Variants in SLC25A48 observed in about 807,000 individuals in gnomAD.
SLC25A48 encodes the protein CTC-321K16.1.
Under a neutral mutation model 32.2 loss-of-function variants are expected in SLC25A48, and 29 were observed. That is an observed-to-expected ratio of 0.90 (90% CI 0.67 to 1.23). SLC25A48 has a LOEUF of 1.23. Ranked by LOEUF, SLC25A48 falls within the 50% of genes most tolerant of loss-of-function variation. The pLI is 0.00. For missense variants in SLC25A48, 399 were observed against 422.7 expected, an observed-to-expected ratio of 0.94 and a Z score of 0.49; for synonymous variants, 164 against 172.3, an observed-to-expected ratio of 0.95 and a Z score of 0.38.
intron 3 of SLC25A48, among the ~76,000 whole-genome samples, chr5:135,646,161 A>G (rs1222288614): frequency 1.3e-5 from 2 of 152,218 alleles, no homozygotes; most frequent in Admixed American, 6.5e-5. Context: ...GAAATAGGAA[A>G]GAATTTAATT....
intron 3 of SLC25A48, among the ~76,000 whole-genome samples, chr5:135,786,840 C>G (rs965499382): frequency 6.6e-6 from 1 of 151,880 alleles, no homozygotes; most frequent in African/African-American, 2.4e-5. Flanking sequence ...TGTGTTTATG[C>G]CCTGTGATAT....
At position 135,646,659 on chromosome 5, in the gene SLC25A48, T is replaced by TTATATATATATATATATATATA. The variant is rs34299516; in HGVS notation, c.-521+11723_-521+11724insTATATATATATATATATATATA. On this transcript the variant is annotated intron_variant, in intron 3 of 10. Transcript: ENST00000646290. The stretch of plus-strand genomic sequence containing the variant: ...TACGCATTTATAATATAATTTCCCA[T>TTATATATATATATATATATATA]TATATATATATATATATATACAATG... 5.4e-3 allele frequency among the ~76,000 whole-genome samples: 678 copies of TTATATATATATATATATATATA among 125,262 alleles called. 18 individuals are homozygous for TTATATATATATATATATATATA. The highest frequency in any genetic ancestry group is 9.3e-3 in the African/African-American group (312 of 33,458). The allele number at this position is 125,262 out of a possible 152,430, so 82.2% of individuals were successfully genotyped here.
At position 135,822,818 on chromosome 5, in the gene SLC25A48, C is replaced by T. The variant is rs75478278; in HGVS notation, c.-117+9892C>T. On this transcript the variant is annotated intron_variant, in intron 4 of 10. Coordinates refer to the SLC25A48 transcript ENST00000646290. ...GGTGCTGCCATTTAGCCTGTCCCTT[C>T]TGCTTGGCACAGTGAGGTTGGAAAG... Among the ~76,000 whole-genome samples the T allele has an allele frequency of 3.2e-3, 482 of 152,222 alleles. 5 individuals are homozygous for T. The highest frequency in any genetic ancestry group is 0.012 in the East Asian group (63 of 5,162).
rs114582965 is a variant in SLC25A48, at chr5:135,762,876, G to A, written c.-520-49647G>A. ...TGGGAGAACTGCAGTGTGTGAGTGT[G>A]AGAAACAGCAAATGTGAGTGTGTGA... is the stretch of plus-strand genomic sequence containing the variant. On this transcript the variant is annotated intron_variant, in intron 3 of 10. Transcript: ENST00000646290. 2.6e-3 allele frequency among the ~76,000 whole-genome samples: 390 copies of A among 152,186 alleles called. 1 individual carries two copies. The highest frequency in any genetic ancestry group is 4.5e-3 in the Non-Finnish European group (304 of 67,980).
At chr5:135,579,207 T>A (rs1751175941) in exon 1 of SLC25A48, 1 of 260,038 alleles carries the variant, frequency 3.8e-6, no homozygotes, top group Admixed American at 5.8e-5. Flanking sequence ...CACACACACA[T>A]CCGCTACCCT....
intron 7 of SLC25A48, among the ~76,000 whole-genome samples, chr5:135,885,652 C>T (rs1213949187): frequency 6.6e-6 from 1 of 152,174 alleles, no homozygotes; most frequent in African/African-American, 2.4e-5. Flanking sequence ...TGAGTCTTCC[C>T]AATCCTTAGA....
chr5:135,819,028 C>G, intron 4 of SLC25A48, among the ~76,000 whole-genome samples: 1 of 151,606 alleles, frequency 6.6e-6, no homozygotes, highest in Non-Finnish European at 1.5e-5. Flanking sequence ...TTTACACAAT[C>G]TGAAGGACAC....
chr5:135,790,328 T>C (rs762996907), intron 3 of SLC25A48, among the ~76,000 whole-genome samples: 19 of 151,868 alleles, frequency 1.3e-4, no homozygotes, highest in Non-Finnish European at 2.5e-4. Context: ...TATACTCTGT[T>C]ATATTATTCA....
At chr5:135,813,784 A>G (rs924387474) in intron 4 of SLC25A48, among the ~76,000 whole-genome samples, 2 of 152,134 alleles carry the variant, frequency 1.3e-5, no homozygotes, top group African/African-American at 4.8e-5. Context: ...GTTGGGAAAA[A>G]GGGGAGAGAG....
chr5:135,713,222 T>C (rs1219779223), intron 3 of SLC25A48, among the ~76,000 whole-genome samples: 1 of 152,252 alleles, frequency 6.6e-6, no homozygotes, highest in Non-Finnish European at 1.5e-5. Flanking sequence ...GAGATTCAAA[T>C]GCACATTAAA....
chr5:135,802,268 A>G (rs547852217), intron 3 of SLC25A48, among the ~76,000 whole-genome samples: 3 of 151,868 alleles, frequency 2.0e-5, no homozygotes, highest in South Asian at 4.1e-4. Context: ...ATACCCTGTG[A>G]TATTATCTGT....
At chr5:135,821,018 G>T (rs1757870332) in intron 4 of SLC25A48, among the ~76,000 whole-genome samples, 1 of 152,166 alleles carries the variant, frequency 6.6e-6, no homozygotes, top group South Asian at 2.1e-4. Flanking sequence ...AGGCTTTCTT[G>T]CCTCAAGCCC....
chr5:135,761,194 T>G (rs974648255), intron 3 of SLC25A48, among the ~76,000 whole-genome samples: 20 of 152,020 alleles, frequency 1.3e-4, no homozygotes, highest in African/African-American at 4.8e-4. Flanking sequence ...GCACCTGTAG[T>G]CCCAGATATT....
At chr5:135,819,666 A>G (rs2126658697) in intron 4 of SLC25A48, among the ~76,000 whole-genome samples, 1 of 152,316 alleles carries the variant, frequency 6.6e-6, no homozygotes, top group Non-Finnish European at 1.5e-5. Context: ...TATCCTGACC[A>G]TGGTGATAGT....
chr5:135,713,077 C>T (rs549407787), intron 3 of SLC25A48, among the ~76,000 whole-genome samples: 1 of 152,202 alleles, frequency 6.6e-6, no homozygotes, highest in Non-Finnish European at 1.5e-5. Flanking sequence ...CAGCATTAAC[C>T]TAAGAACTTG....
At chr5:135,815,780 C>T (rs1757701656) in intron 4 of SLC25A48, among the ~76,000 whole-genome samples, 1 of 152,128 alleles carries the variant, frequency 6.6e-6, no homozygotes, top group Non-Finnish European at 1.5e-5. Context: ...TCTCTGTCAC[C>T]TGCATGTTCT....
chr5:135,616,166 G>A (rs1329549431), intron 1 of SLC25A48, among the ~76,000 whole-genome samples: 1 of 152,210 alleles, frequency 6.6e-6, no homozygotes, highest in Non-Finnish European at 1.5e-5. Flanking sequence ...GCAATGCAGA[G>A]GGGAAATATG....
chr5:135,734,414 G>A (rs951257682), intron 3 of SLC25A48, among the ~76,000 whole-genome samples: 34 of 152,282 alleles, frequency 2.2e-4, no homozygotes, highest in African/African-American at 8.2e-4. Flanking sequence ...TGGCACCAGA[G>A]TGGGGGAGTT....
intron 1 of SLC25A48, among the ~76,000 whole-genome samples, chr5:135,605,962 T>C (rs1751924090): frequency 6.6e-6 from 1 of 152,190 alleles, no homozygotes; most frequent in African/African-American, 2.4e-5. Flanking sequence ...GCAATGCATA[T>C]TTGAACACCC....
Sources: gnomAD v4.1 joint callset for allele counts (sites outside exome capture counted in the v4.1 genomes callset) on GRCh38, gnomAD v4.1.1 for gene constraint, MANE v1.5 for transcripts, NCBI Gene and HGNC (gene_info 2026-07-23, HGNC 2026-07-21) for gene names.